DPP6: variants seen among roughly 807,000 people sequenced by gnomAD.
DPP6 encodes the protein dipeptidyl peptidase like 6, also known as A-type potassium channel modulatory protein DPP6.
Under a neutral mutation model 122.6 loss-of-function variants are expected in DPP6, and 69 were observed. The observed-to-expected ratio is 0.56, with a 90% confidence interval of 0.46 to 0.69. DPP6 has a LOEUF of 0.69. DPP6 is among the 30% of genes least tolerant of loss of function. DPP6 has a pLI of 0.00. For missense variants in DPP6, 928 were observed against 1,116.9 expected, an observed-to-expected ratio of 0.83 and a Z score of 2.41; for synonymous variants, 418 against 433.1, an observed-to-expected ratio of 0.97 and a Z score of 0.43.
At chr7:154,726,665 G>T (rs1448158087) in intron 7 of DPP6, among the ~76,000 whole-genome samples, 1 of 152,192 alleles carries the variant, frequency 6.6e-6, no homozygotes, top group Non-Finnish European at 1.5e-5. Context: ...TATTGTCTTG[G>T]TGATTAATAT....
chr7:154,107,273 T>C lies in DPP6; in HGVS notation c.243+54210T>C, dbSNP rs533984640. ...GCAGCCTTAAAAAAGCAGGAGAGTC[T>C]GTCAATTGTGACAACATGAATGAAC... On this transcript the variant is annotated intron_variant, in intron 1 of 25. Coordinates refer to ENST00000377770, the MANE Select transcript of DPP6 (RefSeq NM_130797.4). Among the ~76,000 whole-genome samples, 6 of 152,364 alleles carry C rather than the reference T, an allele frequency of 3.9e-5. No homozygotes were observed. The South Asian group carries it at 1.2e-3, about 32-fold the overall frequency.
intron 1 of DPP6, among the ~76,000 whole-genome samples, chr7:154,165,303 A>G (rs1797192098): frequency 7.0e-6 from 1 of 142,968 alleles, no homozygotes; most frequent in Admixed American, 6.8e-5. Context: ...GATGATTTCC[A>G]ATTTCATCCA....
chr7:153,760,734 T>G, the DPP6 span, among the ~76,000 whole-genome samples: 1 of 152,182 alleles, frequency 6.6e-6, no homozygotes, highest in East Asian at 1.9e-4. Context: ...TGAGATTGTT[T>G]GAGAGTGGCT....
rs571256850 is a variant in DPP6, at chr7:154,224,116, G to T, written c.243+171053G>T. Among the ~76,000 whole-genome samples the T allele has an allele frequency of 1.3e-4, 19 of 148,638 alleles. 4 individuals carry two copies. Among genetic ancestry groups the T allele is most frequent in the African/African-American group, 4.9e-4 (19 of 38,832 alleles). ...ACACAGCCTGATCATTCCCTGGGAG[G>T]ACACTGTGGCCCAGGCAGAGACACA... On this transcript the variant is annotated intron_variant, in intron 1 of 25. Transcript: ENST00000377770.
chr7:154,023,478 T>A (rs998569259), intron 1 of DPP6, among the ~76,000 whole-genome samples: 2 of 151,748 alleles, frequency 1.3e-5, no homozygotes, highest in African/African-American at 4.9e-5. Flanking sequence ...ATATTTGAAA[T>A]ACTGCCTTTG....
At chr7:154,260,543 CAT>C (rs1253000466) in intron 1 of DPP6, among the ~76,000 whole-genome samples, 6 of 151,770 alleles carry the variant, frequency 4.0e-5, no homozygotes, top group Admixed American at 2.6e-4. Context: ...TGAGTGAGAA[CAT>C]ATGATGGTTA....
intron 1 of DPP6, among the ~76,000 whole-genome samples, chr7:154,442,398 T>C (rs1215433476): frequency 6.6e-6 from 1 of 152,168 alleles, no homozygotes; most frequent in Non-Finnish European, 1.5e-5. Flanking sequence ...GAAAGAATAA[T>C]GCCGGTGAAA....
intron 6 of DPP6, among the ~76,000 whole-genome samples, chr7:154,664,743 T>G (rs1279799418): frequency 6.6e-6 from 1 of 152,116 alleles, no homozygotes; most frequent in Non-Finnish European, 1.5e-5. Context: ...TTAGGATAAT[T>G]TTTAAAGCCA....
intron 1 of DPP6, among the ~76,000 whole-genome samples, chr7:154,406,402 G>A (rs929853794): frequency 2.0e-5 from 3 of 150,914 alleles, no homozygotes; most frequent in African/African-American, 7.3e-5. Flanking sequence ...GAAAAATTAG[G>A]AGTAGCCGGG....
At chr7:154,147,676 GTA>G (rs1245372984) in intron 1 of DPP6, among the ~76,000 whole-genome samples, 5 of 145,402 alleles carry the variant, frequency 3.4e-5, no homozygotes, top group African/African-American at 1.4e-4. Context: ...GTGTGTGTGT[GTA>G]TATATGTATA....
chr7:154,167,939 G>A (rs1161547525), intron 1 of DPP6, among the ~76,000 whole-genome samples: 2 of 152,110 alleles, frequency 1.3e-5, no homozygotes, highest in African/African-American at 2.4e-5. Flanking sequence ...GGCCTGTCTC[G>A]CACCTGTCAG....
intron 1 of DPP6, among the ~76,000 whole-genome samples, chr7:153,954,336 A>T (rs1802357328): frequency 6.6e-6 from 1 of 152,264 alleles, no homozygotes; most frequent in Non-Finnish European, 1.5e-5. Flanking sequence ...CAAACTGCAG[A>T]ACTAAAATTT....
intron 1 of DPP6, among the ~76,000 whole-genome samples, chr7:154,359,303 G>T (rs1811529991): frequency 6.6e-6 from 1 of 152,178 alleles, no homozygotes; most frequent in South Asian, 2.1e-4. Context: ...AACCCTGTTG[G>T]TGTTGGGATA....
At chr7:153,922,365 G>A (rs1245433576) in intron 1 of DPP6, among the ~76,000 whole-genome samples, 1 of 152,110 alleles carries the variant, frequency 6.6e-6, no homozygotes, top group Non-Finnish European at 1.5e-5. Context: ...TGGGCATAGT[G>A]GCATGCTTTT....
At chr7:153,774,222 T>C in the DPP6 span, among the ~76,000 whole-genome samples, 18 of 152,160 alleles carry the variant, frequency 1.2e-4, no homozygotes, top group African/African-American at 4.3e-4. Context: ...TTCCAAAGTC[T>C]GCTACAAGTC....
intron 1 of DPP6, among the ~76,000 whole-genome samples, chr7:153,981,371 C>CT (rs1343591438): frequency 3.3e-5 from 5 of 152,060 alleles, no homozygotes; most frequent in African/African-American, 1.2e-4. Context: ...GCAAGCCCTG[C>CT]TTTTTTTACT....
At chr7:153,905,711 A>G (rs1028808414) in intron 1 of DPP6, among the ~76,000 whole-genome samples, 4 of 152,228 alleles carry the variant, frequency 2.6e-5, no homozygotes, top group African/African-American at 9.6e-5. Flanking sequence ...GTGAAGGCTG[A>G]GGAATAGAAG....
chr7:154,122,324 G>A (rs1420637329), intron 1 of DPP6, among the ~76,000 whole-genome samples: 1 of 152,294 alleles, frequency 6.6e-6, no homozygotes. Context: ...AAAGAATTTC[G>A]TGTACTGAGG....
intron 1 of DPP6, among the ~76,000 whole-genome samples, chr7:154,427,221 G>A (rs539442447): frequency 1.3e-5 from 2 of 152,246 alleles, no homozygotes; most frequent in East Asian, 3.9e-4. Context: ...TTAAAAATTA[G>A]GATTAAGTGC....
Sources: allele counts gnomAD v4.1 joint callset (sites outside exome capture counted in the v4.1 genomes callset), GRCh38; gene constraint gnomAD v4.1.1; transcripts MANE v1.5; gene names NCBI Gene and HGNC (gene_info 2026-07-23, HGNC 2026-07-21).